Variants in UBP1 observed in about 807,000 individuals in gnomAD.
UBP1 encodes the protein upstream-binding protein 1.
A neutral mutation model predicts 76.1 loss-of-function variants in UBP1; 22 were observed. The observed-to-expected ratio is 0.29, with a 90% CI of 0.21 to 0.41. UBP1 has a LOEUF of 0.41. Among genes scored for constraint, UBP1 ranks in the 10% least tolerant of loss-of-function variants. The pLI is 1.00. For synonymous variants in UBP1, 224 were observed against 237.1 expected (o/e 0.94, Z 0.51); for missense variants, 436 against 668.1 (o/e 0.65, Z 3.83).
intron 11 of UBP1, 79 bp downstream of exon 11, chr3:33,400,110 T>A: frequency 4.1e-6 from 4 of 983,198 alleles, no homozygotes; most frequent in Non-Finnish European, 5.6e-6. Context: ...TTCAAAATTT[T>A]AAAAATATAA....
rs1224722074 is a variant in UBP1 at position 33,394,643 on chromosome 3, A to G, written c.1391-1189T>C. 2.0e-5 allele frequency among the ~76,000 whole-genome samples: 3 copies of G among 152,284 alleles called. No homozygotes were observed. In the East Asian group the frequency reaches 5.8e-4, roughly 29 times the overall value. On this transcript the variant is annotated intron_variant, in intron 13 of 15. Transcript: ENST00000283629. ...GATTAAAGCCAGACATGGATCAGGA[A>G]TATCATTACTGAGAACTTTGCTTCC...
chr3:33,418,483 T>A (rs2044788637), intron 2 of UBP1, among the ~76,000 whole-genome samples: 1 of 151,876 alleles, frequency 6.6e-6, no homozygotes, highest in South Asian at 2.1e-4. Context: ...AGTCTTGAAC[T>A]CCTGACCTCG....
chr3:33,398,145 A>G (rs2044079989), intron 11 of UBP1: 1 of 152,202 alleles, frequency 6.6e-6, no homozygotes, highest in Non-Finnish European at 1.5e-5. Context: ...TTTATTCTCT[A>G]ACACCCAGGA....
At chr3:33,433,129 C>T (rs2045141552) in intron 1 of UBP1, among the ~76,000 whole-genome samples, 1 of 151,302 alleles carries the variant, frequency 6.6e-6, no homozygotes. Flanking sequence ...GGCGCGATCT[C>T]AGCTCACTGC....
At chr3:33,425,847 T>C in intron 1 of UBP1, 106 bp from the exon 2 acceptor site, 5 of 1,043,944 alleles carry the variant, frequency 4.8e-6, no homozygotes, top group Non-Finnish European at 6.5e-6. Context: ...TTTAAAAGCA[T>C]ATAAACATTT....
chr3:33,437,221 A>G (rs1167330277), intron 1 of UBP1, among the ~76,000 whole-genome samples: 2 of 151,472 alleles, frequency 1.3e-5, no homozygotes, highest in African/African-American at 4.9e-5. Context: ...TTTTACACAA[A>G]CATATTTTTC....
intron 1 of UBP1, among the ~76,000 whole-genome samples, chr3:33,435,976 C>T (rs2045197772): frequency 6.6e-6 from 1 of 152,300 alleles, no homozygotes; most frequent in Non-Finnish European, 1.5e-5. Context: ...ATCACCTACT[C>T]AGGGACATTC....
chr3:33,424,098 A>T (rs536570345), intron 2 of UBP1, among the ~76,000 whole-genome samples: 4 of 152,238 alleles, frequency 2.6e-5, no homozygotes, highest in East Asian at 1.9e-4. Flanking sequence ...ATCTTTAGAA[A>T]TAAAGTTACA....
At chr3:33,437,674 C>T (rs995068156) in intron 1 of UBP1, among the ~76,000 whole-genome samples, 1 of 152,212 alleles carries the variant, frequency 6.6e-6, no homozygotes, top group African/African-American at 2.4e-5. Flanking sequence ...GATAAGCTTT[C>T]CTTCCCACTG....
At position 33,439,717 on chromosome 3, in the gene UBP1, C is replaced by A. The variant is rs777362738; in HGVS notation, c.113+19G>T. 2.5e-6 allele frequency: 4 copies of A among 1,609,340 alleles called. 1 individual carries two copies. In the South Asian group the frequency reaches 4.4e-5, roughly 18 times the overall value. The stretch of plus-strand genomic sequence containing the variant: ...CCCCAAGGAGACAGAGGCTTCTCCC[C>A]GCCCAGGGAGCCCAGTACCTCATGC... On this transcript the variant is annotated intron_variant, in intron 1 of 15. Coordinates refer to ENST00000283629, the MANE Select transcript of UBP1 (RefSeq NM_014517.5).
chr3:33,439,125 A>G (rs1405289169), intron 1 of UBP1, among the ~76,000 whole-genome samples: 1 of 152,222 alleles, frequency 6.6e-6, no homozygotes, highest in Non-Finnish European at 1.5e-5. Context: ...TTGTGGTGCA[A>G]TCACTGCATC....
At chr3:33,400,315 G>A (rs1193383938) in intron 10 of UBP1, 33 bp from the exon 11 acceptor site, 3 of 1,508,334 alleles carry the variant, frequency 2.0e-6, no homozygotes, top group Non-Finnish European at 2.7e-6. Flanking sequence ...TAAATAAAAG[G>A]AACCATTCAG....
At chr3:33,432,886 G>A (rs560418811) in intron 1 of UBP1, among the ~76,000 whole-genome samples, 4 of 152,274 alleles carry the variant, frequency 2.6e-5, no homozygotes, top group African/African-American at 9.6e-5. Context: ...GTATAAGTAG[G>A]AGAAGCTGGG....
At chr3:33,397,157 T>C (rs1559668805) in intron 11 of UBP1, 22 bp from the exon 12 acceptor site, 2 of 1,546,036 alleles carry the variant, frequency 1.3e-6, no homozygotes, top group Non-Finnish European at 1.7e-6. Context: ...CAAAAATATT[T>C]TTCTCAAATA....
chr3:33,415,486 G>C (rs2044704927), intron 3 of UBP1, among the ~76,000 whole-genome samples: 1 of 152,240 alleles, frequency 6.6e-6, no homozygotes, highest in South Asian at 2.1e-4. Context: ...GTTGAAGTTG[G>C]CATGAGAACT....
chr3:33,394,301 C>T (rs550631027), intron 13 of UBP1, among the ~76,000 whole-genome samples: 11 of 151,914 alleles, frequency 7.2e-5, no homozygotes, highest in Middle Eastern at 3.4e-3. Flanking sequence ...CCAGTTAGGC[C>T]TCCCAAAGTG....
At chr3:33,415,753 CAA>C (rs565224161) in intron 3 of UBP1, among the ~76,000 whole-genome samples, 1 of 141,000 alleles carries the variant, frequency 7.1e-6, no homozygotes, top group African/African-American at 2.6e-5. Context: ...GATACATTAA[CAA>C]AAAAAAAAAC....
At chr3:33,411,916 C>T (rs939278901) in intron 4 of UBP1, among the ~76,000 whole-genome samples, 4 of 151,916 alleles carry the variant, frequency 2.6e-5, no homozygotes, top group Admixed American at 6.6e-5. Context: ...TAAGGCTGAG[C>T]GTGGTGGCTC....
intron 1 of UBP1, among the ~76,000 whole-genome samples, chr3:33,435,489 A>G (rs976370385): frequency 3.3e-5 from 5 of 152,164 alleles, no homozygotes; most frequent in African/African-American, 1.2e-4. Context: ...AAAATTTAAA[A>G]ATTAGCCAGG....
Sources: allele counts gnomAD v4.1 joint callset (sites outside exome capture counted in the v4.1 genomes callset), GRCh38; gene constraint gnomAD v4.1.1; transcripts MANE v1.5; gene names NCBI Gene and HGNC (gene_info 2026-07-23, HGNC 2026-07-21).